CORO2B: variants seen among roughly 807,000 people sequenced by gnomAD.
The protein encoded by CORO2B is coronin 2B.
CORO2B carries 26 observed loss-of-function variants against 58.8 expected under a neutral mutation model. The observed-to-expected ratio is 0.44, with a 90% CI of 0.32 to 0.61. The LOEUF (loss-of-function observed/expected upper bound fraction) is 0.61. Among genes scored for constraint, CORO2B ranks in the 20% least tolerant of loss-of-function variants. CORO2B has a pLI of 0.04. For synonymous variants in CORO2B, 242 were observed against 253.8 expected, an observed-to-expected ratio of 0.95 and a Z score of 0.44; for missense variants, 460 against 645.1, an observed-to-expected ratio of 0.71 and a Z score of 3.11.
chr15:68,593,674 C>T (rs942724190), intron 1 of CORO2B, among the ~76,000 whole-genome samples: 4 of 151,116 alleles, frequency 2.6e-5, no homozygotes, highest in African/African-American at 9.7e-5. Flanking sequence ...TTTTTTTTTG[C>T]AACTCTGAAA....
In CORO2B at chr15:68,702,043, G is replaced by A. The variant is rs79608223; in HGVS notation, c.333+6787G>A. On this transcript the variant is annotated intron_variant, in intron 3 of 11. Transcript: ENST00000261861. ...GGATCACCTGAGGTCAGCAGCTTGA[G>A]ACCAGCCTGGCCAACATGATAAGCG... Among the ~76,000 whole-genome samples, 416 of 152,212 alleles carry A rather than the reference G, an allele frequency of 2.7e-3. 10 individuals are homozygous for A. In the East Asian group the frequency reaches 0.073, roughly 27 times the overall value.
chr15:68,595,176 G>C (rs906557678), intron 1 of CORO2B, among the ~76,000 whole-genome samples: 1 of 152,246 alleles, frequency 6.6e-6, no homozygotes, highest in Non-Finnish European at 1.5e-5. Flanking sequence ...GGCAGCCTCA[G>C]CTGTGACTTG....
intron 5 of CORO2B, among the ~76,000 whole-genome samples, chr15:68,712,219 C>G (rs182231420): frequency 6.6e-6 from 1 of 152,094 alleles, no homozygotes; most frequent in Non-Finnish European, 1.5e-5. Context: ...TTTTTGAGCA[C>G]CTGCTGTGTG....
At chr15:68,711,395 A>G in intron 4 of CORO2B, 147 bp from the exon 5 acceptor site, 2 of 617,656 alleles carry the variant, frequency 3.2e-6, no homozygotes, top group Non-Finnish European at 5.6e-6. Context: ...CTTTCCATAT[A>G]GAACTCAATG....
intron 2 of CORO2B, among the ~76,000 whole-genome samples, chr15:68,683,755 G>A (rs1196421074): frequency 6.6e-6 from 1 of 152,212 alleles, no homozygotes; most frequent in South Asian, 2.1e-4. Flanking sequence ...CTCGGCAAGA[G>A]AGTGTGGCCT....
At chr15:68,722,822 C>T (rs150767672) in intron 11 of CORO2B, among the ~76,000 whole-genome samples, 5,626 of 152,240 alleles carry the variant, frequency 0.037, 331 homozygotes, top group African/African-American at 0.13. Context: ...AATCCCAGCA[C>T]TTTGGGAGGC....
intron 2 of CORO2B, among the ~76,000 whole-genome samples, chr15:68,668,193 A>G (rs547098812): frequency 6.6e-6 from 1 of 152,348 alleles, no homozygotes; most frequent in Admixed American, 6.5e-5. Context: ...CCTGACACAC[A>G]GTGAGCCTCG....
At chr15:68,559,251 G>A in the CORO2B span, among the ~76,000 whole-genome samples, 1 of 152,106 alleles carries the variant, frequency 6.6e-6, no homozygotes, top group Non-Finnish European at 1.5e-5. This position sits in a 1 kb window ranked among gnomAD's most constrained non-coding sequence, Gnocchi z 4.3. Context: ...TTTGCAAAGA[G>A]CATTTGCATA....
the CORO2B span, among the ~76,000 whole-genome samples, chr15:68,521,214 T>C: frequency 6.6e-6 from 1 of 152,224 alleles, no homozygotes; most frequent in Non-Finnish European, 1.5e-5. Flanking sequence ...TGCATTCTTT[T>C]GAATTAATAA....
At chr15:68,629,966 G>A (rs7171944) in intron 1 of CORO2B, among the ~76,000 whole-genome samples, 2,025 of 152,290 alleles carry the variant, frequency 0.013, 53 homozygotes, top group African/African-American at 0.046. Flanking sequence ...GCCCCTGCCA[G>A]AGGCACCCTG....
chr15:68,594,753 G>A (rs1396179124), intron 1 of CORO2B, among the ~76,000 whole-genome samples: 1 of 152,194 alleles, frequency 6.6e-6, no homozygotes. Context: ...CTGTGTGCTT[G>A]CAGAAGGAAG....
Position 68,710,770 on chromosome 15 carries a change from G to C in CORO2B, c.372G>C (p.Arg124=). The C allele has an allele frequency of 1.2e-6, 2 of 1,612,112 alleles. No individual in the cohort carries two copies. The highest frequency in any genetic ancestry group is 2.2e-5 in the East Asian group (1 of 44,852). ...AGATCCCCGAGGGCGGGCTGAAGCG[G>C]AACATGACGGAGGCGCTCCTGGAGC... is the stretch of plus-strand genomic sequence containing the variant. The part of the protein sequence containing the change: ...IWEIPEGGLK[R]NMTEALLELH... Residue 124 remains arginine (R), a synonymous_variant, in exon 4 of 12, where the codon CGG becomes CGC. Coordinates refer to ENST00000261861, the MANE Select transcript of CORO2B (RefSeq NM_006091.5). The surrounding 1 kb of genome is among the most constrained non-coding windows in gnomAD (Gnocchi z 4.1).
chr15:68,658,396 C>T (rs1901896189), intron 2 of CORO2B, among the ~76,000 whole-genome samples: 2 of 152,264 alleles, frequency 1.3e-5, no homozygotes, highest in Non-Finnish European at 2.9e-5. Context: ...TGCCTCCTTC[C>T]TGCCTTCGGC....
intron 1 of CORO2B, among the ~76,000 whole-genome samples, chr15:68,601,707 G>A (rs1168112775): frequency 6.6e-6 from 1 of 152,242 alleles, no homozygotes; most frequent in East Asian, 1.9e-4. Context: ...GGCCGGAGAA[G>A]AAATGAGGGC....
intron 11 of CORO2B, among the ~76,000 whole-genome samples, chr15:68,721,148 C>A (rs1264942566): frequency 6.6e-6 from 1 of 150,764 alleles, no homozygotes; most frequent in Non-Finnish European, 1.5e-5. Flanking sequence ...TCCCAAAGTG[C>A]TGGGATTACA....
chr15:68,669,187 G>GAAGC (rs71455600), intron 2 of CORO2B, among the ~76,000 whole-genome samples: 30,731 of 151,578 alleles, frequency 0.2, 3,365 homozygotes, highest in Non-Finnish European at 0.25. Context: ...AGAAAGAAAG[G>GAAGC]AAGCAAGCAA....
At chr15:68,663,831 G>A (rs1902095571) in intron 2 of CORO2B, among the ~76,000 whole-genome samples, 1 of 152,174 alleles carries the variant, frequency 6.6e-6, no homozygotes, top group African/African-American at 2.4e-5. Context: ...GTTTCAATTA[G>A]CATTCTTATT....
intron 1 of CORO2B, among the ~76,000 whole-genome samples, chr15:68,619,204 A>G (rs1390898322): frequency 6.6e-6 from 1 of 152,056 alleles, no homozygotes; most frequent in East Asian, 1.9e-4. Context: ...AATCTGTGTT[A>G]CTCTTCCAGG....
chr15:68,596,274 G>A (rs1254059609), intron 1 of CORO2B, among the ~76,000 whole-genome samples: 1 of 151,510 alleles, frequency 6.6e-6, no homozygotes, highest in Non-Finnish European at 1.5e-5. Flanking sequence ...TCAGGGACAG[G>A]CCCAGGAGGA....
Sources: gnomAD v4.1 joint callset for allele counts (sites outside exome capture counted in the v4.1 genomes callset) on GRCh38, gnomAD v4.1.1 for gene constraint, Gnocchi (gnomAD v3.1) non-coding constraint, MANE v1.5 for transcripts, NCBI Gene and HGNC (gene_info 2026-07-23, HGNC 2026-07-21) for gene names.